The following CNTNAP2 variants were observed in gnomAD, a reference collection of about 807,000 sequenced individuals.
The protein encoded by CNTNAP2 is contactin-associated protein-like 2.
A neutral mutation model predicts 155.2 loss-of-function variants in CNTNAP2; 98 were observed. That is an observed-to-expected ratio of 0.63 (90% CI 0.54 to 0.75). The LOEUF is 0.75. Ranked by LOEUF, CNTNAP2 falls within the 30% of genes least tolerant of loss-of-function variation. The probability of loss-of-function intolerance (pLI) is 0.00; values close to 1 mark genes in which losing one functional copy is unlikely to be tolerated. For synonymous variants in CNTNAP2, 651 were observed against 631.2 expected, an observed-to-expected ratio of 1.03 and a Z score of -0.47; for missense variants, 1,727 against 1,688.1, an observed-to-expected ratio of 1.02 and a Z score of -0.40.
At chr7:147,499,060 A>C (rs888479974) in intron 11 of CNTNAP2, among the ~76,000 whole-genome samples, 16 of 152,172 alleles carry the variant, frequency 1.1e-4, no homozygotes, top group African/African-American at 3.6e-4. Context: ...TACTTTTTAA[A>C]TGAGGAAGCC....
At chr7:148,338,554 G>A (rs1044561616) in intron 21 of CNTNAP2, among the ~76,000 whole-genome samples, 5 of 150,256 alleles carry the variant, frequency 3.3e-5, no homozygotes, top group African/African-American at 7.3e-5. Context: ...TGGGGCGTGG[G>A]GGGGTGAGGG....
intron 9 of CNTNAP2, among the ~76,000 whole-genome samples, chr7:147,371,207 A>AC (rs1443610595): frequency 1.5e-4 from 23 of 152,178 alleles, no homozygotes; most frequent in Admixed American, 1.0e-3. Context: ...TGTAAAATTC[A>AC]CGACCATATA....
chr7:146,935,509 C>G (rs1179949806), intron 3 of CNTNAP2, among the ~76,000 whole-genome samples: 1 of 152,190 alleles, frequency 6.6e-6, no homozygotes, highest in African/African-American at 2.4e-5. Flanking sequence ...GGCCTTCACT[C>G]TTCTAGAAGG....
intron 1 of CNTNAP2, among the ~76,000 whole-genome samples, chr7:146,435,055 A>G (rs1362426523): frequency 2.0e-5 from 3 of 152,154 alleles, no homozygotes; most frequent in African/African-American, 4.8e-5. Context: ...GGTATAGAAG[A>G]TGAAGTTTCT....
chr7:146,207,637 GTT>G lies in CNTNAP2; in HGVS notation c.97+90685_97+90686del, dbSNP rs57881187. On this transcript the variant is annotated intron_variant, in intron 1 of 23. Coordinates refer to ENST00000361727, the MANE Select transcript of CNTNAP2 (RefSeq NM_014141.6). Reference sequence around the variant, plus strand: ...CTTTCTTCAAACAGAACAGGACTGTGTTTTTTTTTTTTTTTTTTTTTTAACTC... The same window carrying G: ...CTTTCTTCAAACAGAACAGGACTGTGTTTTTTTTTTTTTTTTTTTTAACTC... Among the ~76,000 whole-genome samples the G allele has an allele frequency of 4.4e-3, 540 of 122,342 alleles. 11 individuals are homozygous for G. Among genetic ancestry groups the G allele is most frequent in the East Asian group, 0.013 (51 of 4,054 alleles). The allele number at this position is 122,342 out of a possible 152,430, so 80.3% of individuals were successfully genotyped here.
chr7:146,143,819 G>A (rs913834444), intron 1 of CNTNAP2, among the ~76,000 whole-genome samples: 2 of 151,688 alleles, frequency 1.3e-5, no homozygotes, highest in Non-Finnish European at 2.9e-5. Flanking sequence ...CTGGAGTACA[G>A]TGGCACAGTC....
At chr7:147,805,500 T>C (rs905228715) in intron 13 of CNTNAP2, among the ~76,000 whole-genome samples, 11 of 152,346 alleles carry the variant, frequency 7.2e-5, no homozygotes, top group African/African-American at 2.6e-4. Context: ...CTTGTCTTGT[T>C]CCAGATCTTA....
intron 1 of CNTNAP2, among the ~76,000 whole-genome samples, chr7:146,357,915 C>CT (rs397757807): frequency 1.3e-5 from 2 of 151,406 alleles, no homozygotes; most frequent in African/African-American, 2.4e-5. Context: ...GAATGCACCC[C>CT]GCCCCCCGCC....
At chr7:147,925,527 C>A (rs76627020) in intron 14 of CNTNAP2, among the ~76,000 whole-genome samples, 18 of 151,784 alleles carry the variant, frequency 1.2e-4, no homozygotes. Flanking sequence ...AGTGCAGTGG[C>A]GTGATCTTGG....
intron 11 of CNTNAP2, among the ~76,000 whole-genome samples, chr7:147,497,412 A>G (rs913984786): frequency 3.9e-5 from 6 of 152,272 alleles, no homozygotes; most frequent in African/African-American, 1.2e-4. Flanking sequence ...GCAGGCATCA[A>G]AATGTCCTAA....
At chr7:147,426,497 C>T (rs1179063486) in intron 10 of CNTNAP2, among the ~76,000 whole-genome samples, 2 of 152,126 alleles carry the variant, frequency 1.3e-5, no homozygotes, top group Admixed American at 1.3e-4. Flanking sequence ...TTCCTTTCCA[C>T]CGAGCAAAGA....
chr7:147,693,492 G>A (rs757016920), intron 13 of CNTNAP2, among the ~76,000 whole-genome samples: 17 of 151,818 alleles, frequency 1.1e-4, no homozygotes, highest in Admixed American at 5.9e-4. Flanking sequence ...TGTTCATTTC[G>A]TTCTTTGATT....
chr7:146,786,196 A>G (rs992698713), intron 2 of CNTNAP2, among the ~76,000 whole-genome samples: 26 of 151,656 alleles, frequency 1.7e-4, no homozygotes, highest in African/African-American at 5.8e-4. Context: ...TTCAATATCT[A>G]CTCTCCTGTG....
intron 9 of CNTNAP2, among the ~76,000 whole-genome samples, chr7:147,302,734 T>C (rs879501758): frequency 6.6e-6 from 1 of 152,240 alleles, no homozygotes; most frequent in Non-Finnish European, 1.5e-5. Context: ...TTTAGATTCT[T>C]TTTGTAAAAC....
intron 10 of CNTNAP2, among the ~76,000 whole-genome samples, chr7:147,411,337 A>G (rs1001708672): frequency 3.3e-5 from 5 of 152,328 alleles, no homozygotes; most frequent in South Asian, 2.1e-4. Flanking sequence ...AATTTTTTCT[A>G]GTAAAGTATC....
At chr7:146,350,256 C>A (rs546328253) in intron 1 of CNTNAP2, among the ~76,000 whole-genome samples, 2 of 152,100 alleles carry the variant, frequency 1.3e-5, no homozygotes, top group African/African-American at 4.8e-5. Flanking sequence ...TCCAGTTGAT[C>A]GAAAATTTTT....
rs199678439 is a variant in CNTNAP2, at chr7:147,083,587, T to TACAC, written c.551-24553_551-24550dup. Among the ~76,000 whole-genome samples, 16 of 144,434 alleles carry TACAC rather than the reference T, an allele frequency of 1.1e-4. 2 individuals are homozygous for TACAC. The highest frequency in any genetic ancestry group is 3.1e-4 in the African/African-American group (12 of 38,860). The allele number at this position is 144,434 out of a possible 152,430, so 94.8% of individuals were successfully genotyped here. A position where few individuals can be genotyped will look rare whatever the true frequency, so the allele number is the denominator to read the frequency against. On this transcript the variant is annotated intron_variant, in intron 4 of 23. Coordinates refer to ENST00000361727, the MANE Select transcript of CNTNAP2 (RefSeq NM_014141.6). ...ATACACATATATATGTATATATATATACACACACACGTCTATAATGCTATA... is the reference window on the plus strand; with the variant it reads ...ATACACATATATATGTATATATATATACACACACACACACGTCTATAATGCTATA...
intron 1 of CNTNAP2, among the ~76,000 whole-genome samples, chr7:146,285,212 T>C (rs1407893481): frequency 1.3e-5 from 2 of 152,198 alleles, no homozygotes; most frequent in African/African-American, 2.4e-5. Flanking sequence ...CCTGTCGATA[T>C]TGACTTCATA....
chr7:146,284,119 G>A (rs1390988859), intron 1 of CNTNAP2, among the ~76,000 whole-genome samples: 1 of 152,174 alleles, frequency 6.6e-6, no homozygotes, highest in Non-Finnish European at 1.5e-5. Flanking sequence ...GACTTTGTAT[G>A]TGTATTATTG....
Sources: allele counts gnomAD v4.1 joint callset (sites outside exome capture counted in the v4.1 genomes callset), GRCh38; gene constraint gnomAD v4.1.1; transcripts MANE v1.5; gene names NCBI Gene and HGNC (gene_info 2026-07-23, HGNC 2026-07-21).